The following SLC16A12 variants were observed in gnomAD, a reference collection of about 807,000 sequenced individuals.
The protein encoded by SLC16A12 is monocarboxylate transporter 12.
A neutral mutation model predicts 42.4 loss-of-function variants in SLC16A12; 17 were observed. The ratio of observed to expected loss-of-function variants is 0.40; its 90% CI spans 0.27 to 0.60. SLC16A12 has a LOEUF of 0.60. Among genes scored for constraint, SLC16A12 ranks in the 20% least tolerant of loss-of-function variants. The probability of loss-of-function intolerance (pLI) is 0.42; values close to 1 mark genes in which losing one functional copy is unlikely to be tolerated. For missense variants in SLC16A12, 544 were observed against 623.0 expected (o/e 0.87, Z 1.35); for synonymous variants, 224 against 229.4 (o/e 0.98, Z 0.21).
chr10:89,519,093 A>G (rs1347750304), intron 2 of SLC16A12, among the ~76,000 whole-genome samples: 1 of 152,156 alleles, frequency 6.6e-6, no homozygotes, highest in Non-Finnish European at 1.5e-5. Flanking sequence ...GAATTGTTGA[A>G]ATAATTCTAT....
intron 4 of SLC16A12, among the ~76,000 whole-genome samples, chr10:89,442,414 C>CT (rs920677277): frequency 1.2e-4 from 18 of 152,162 alleles, no homozygotes; most frequent in Admixed American, 6.5e-4. Flanking sequence ...ACCATATTGA[C>CT]TGTGTGACCA....
chr10:89,458,930 G>T (rs889075954), intron 3 of SLC16A12, among the ~76,000 whole-genome samples: 6 of 152,174 alleles, frequency 3.9e-5, no homozygotes, highest in African/African-American at 1.4e-4. Context: ...AAAAAATTGT[G>T]CAAGTAAGAT....
chr10:89,547,517 G>A (rs142460170), intron 2 of SLC16A12, among the ~76,000 whole-genome samples: 11 of 152,152 alleles, frequency 7.2e-5, no homozygotes, highest in Admixed American at 5.2e-4. Flanking sequence ...TTTAAGACAT[G>A]GTTCCTGCCT....
intron 2 of SLC16A12, among the ~76,000 whole-genome samples, chr10:89,517,122 G>A (rs1259882226): frequency 1.3e-5 from 2 of 152,146 alleles, no homozygotes; most frequent in African/African-American, 2.4e-5. Context: ...CTACTTAGGA[G>A]GATAAGGCAG....
chr10:89,518,182 A>G (rs1398745153), intron 2 of SLC16A12, among the ~76,000 whole-genome samples: 2 of 152,216 alleles, frequency 1.3e-5, no homozygotes, highest in African/African-American at 4.8e-5. Flanking sequence ...CTCCACTGGT[A>G]AGGAGCTCTG....
intron 2 of SLC16A12, among the ~76,000 whole-genome samples, chr10:89,486,680 GAAAA>G (rs1842759327): frequency 1.0e-5 from 1 of 97,324 alleles, no homozygotes; most frequent in Non-Finnish European, 2.2e-5. Flanking sequence ...AAGAAAGAAA[GAAAA>G]GAAAGAAAAG....
intron 2 of SLC16A12, among the ~76,000 whole-genome samples, chr10:89,508,852 A>G (rs955610743): frequency 1.3e-5 from 2 of 152,212 alleles, no homozygotes; most frequent in African/African-American, 2.4e-5. Context: ...AAAGAAGAAA[A>G]GAGACAAGAA....
chr10:89,543,722 C>A (rs777415145), intron 2 of SLC16A12, among the ~76,000 whole-genome samples: 2 of 152,036 alleles, frequency 1.3e-5, no homozygotes, highest in Non-Finnish European at 2.9e-5. Context: ...GTGGACCCAG[C>A]TACTTGGGAG....
chr10:89,520,984 A>G (rs980690273), intron 2 of SLC16A12, among the ~76,000 whole-genome samples: 3 of 152,202 alleles, frequency 2.0e-5, no homozygotes, highest in Non-Finnish European at 4.4e-5. Flanking sequence ...CATTATTTTT[A>G]CTATTAAATG....
chr10:89,468,104 T>C (rs1842434175), intron 2 of SLC16A12: 1 of 152,218 alleles, frequency 6.6e-6, no homozygotes, highest in Admixed American at 6.5e-5. Flanking sequence ...AATGCAATTG[T>C]ATAAATCCAA....
At chr10:89,441,346 G>A in intron 4 of SLC16A12, 95 bp from the exon 5 acceptor site, 1 of 1,467,606 alleles carries the variant, frequency 6.8e-7, no homozygotes, top group Non-Finnish European at 9.4e-7. Context: ...AACCTTTAAA[G>A]CATTGAGCCC....
At chr10:89,452,822 A>G (rs118042618) in intron 3 of SLC16A12, among the ~76,000 whole-genome samples, 2,112 of 152,300 alleles carry the variant, frequency 0.014, 71 homozygotes, top group East Asian at 0.085. Flanking sequence ...GTCAATCCCA[A>G]ATGAAATGGT....
chr10:89,526,413 C>G lies in SLC16A12; in HGVS notation c.-47+8088G>C, dbSNP rs139566606. On this transcript the variant is annotated intron_variant, in intron 2 of 7. Transcript: ENST00000371790. ...GATAACTCCCAAGCTATAGTTCTTG[C>G]TGTAAATATCTAACTGCTTACTTGG... is the stretch of plus-strand genomic sequence containing the variant. Among the ~76,000 whole-genome samples the G allele has an allele frequency of 3.4e-3, 525 of 152,284 alleles. 5 individuals are homozygous for G. Among genetic ancestry groups the G allele is most frequent in the African/African-American group, 0.012 (507 of 41,554 alleles).
intron 2 of SLC16A12, among the ~76,000 whole-genome samples, chr10:89,470,905 C>T (rs1049889144): frequency 1.7e-5 from 2 of 116,388 alleles, no homozygotes; most frequent in African/African-American, 6.2e-5. Context: ...ACCACCTCCC[C>T]CACCACTACC....
chr10:89,472,483 C>CTTTTT (rs1842513749), intron 2 of SLC16A12, among the ~76,000 whole-genome samples: 1 of 118,466 alleles, frequency 8.4e-6, no homozygotes, highest in Non-Finnish European at 1.8e-5. Flanking sequence ...CTTTTCTTTT[C>CTTTTT]TTTCTTTTTT....
At position 89,453,006 on chromosome 10, in the gene SLC16A12, C is replaced by G. The variant is rs187601076; in HGVS notation, c.201-9147G>C. On this transcript the variant is annotated intron_variant, in intron 3 of 7. Transcript: ENST00000371790. ...CTAAGGCCAAATGAGTGGCACATCT[C>G]TGTGTTCACCGCAGTCCCATTCTTG... is the stretch of plus-strand genomic sequence containing the variant. Among the ~76,000 whole-genome samples, 13 of 152,310 alleles carry G rather than the reference C, an allele frequency of 8.5e-5. No individual in the cohort carries two copies. The East Asian group carries it at 2.5e-3, about 29-fold the overall frequency.
chr10:89,465,101 A>G (rs575558524), intron 2 of SLC16A12, among the ~76,000 whole-genome samples: 360 of 152,318 alleles, frequency 2.4e-3, no homozygotes, highest in Non-Finnish European at 3.9e-3. Flanking sequence ...TAGAGCTGCT[A>G]TTTACAAAAC....
At chr10:89,459,332 T>C (rs1036426716) in intron 3 of SLC16A12, among the ~76,000 whole-genome samples, 1 of 150,860 alleles carries the variant, frequency 6.6e-6, no homozygotes, top group African/African-American at 2.5e-5. Context: ...AAAAAACCCA[T>C]GTCTTATAAT....
At chr10:89,537,156 T>TG, upstream of SLC16A12, among the ~76,000 whole-genome samples, 1 of 151,550 alleles carries the variant, frequency 6.6e-6, no homozygotes, top group East Asian at 1.9e-4. Context: ...TTTTTTTTTT[T>TG]TTTTTTTTTG....
Sources: gnomAD v4.1 joint callset for allele counts (sites outside exome capture counted in the v4.1 genomes callset) on GRCh38, gnomAD v4.1.1 for gene constraint, MANE v1.5 for transcripts, NCBI Gene and HGNC (gene_info 2026-07-23, HGNC 2026-07-21) for gene names.